TAGLN: variants seen among roughly 807,000 people sequenced by gnomAD.
TAGLN encodes the protein 22 kDa actin-binding protein.
In TAGLN, 16 loss-of-function variants were observed where a neutral mutation model predicts 21.9. The ratio of observed to expected loss-of-function variants is 0.73; its 90% confidence interval spans 0.49 to 1.11. TAGLN has a LOEUF of 1.11. Among genes scored for constraint, TAGLN ranks in the 50% least tolerant of loss-of-function variants. TAGLN has a pLI of 0.00. For synonymous variants in TAGLN, 96 were observed against 94.9 expected, an observed-to-expected ratio of 1.01 and a Z score of -0.06; for missense variants, 248 against 263.2, an observed-to-expected ratio of 0.94 and a Z score of 0.40.
chr11:117,200,052 G>A (rs1370618736), intron 1 of TAGLN, among the ~76,000 whole-genome samples: 1 of 151,666 alleles, frequency 6.6e-6, no homozygotes, highest in Non-Finnish European at 1.5e-5. Context: ...CAGAGGGGTG[G>A]GGGGCGGGTA....
Position 117,204,333 on chromosome 11 carries a change from G to A in TAGLN, c.580G>A (p.Gly194Arg), listed in dbSNP as rs772350872. 3.8e-5 allele frequency: 61 copies of A among 1,614,124 alleles called. No homozygotes were observed. Among genetic ancestry groups the A allele is most frequent in the South Asian group, 7.7e-5 (7 of 91,088 alleles). ...GASQAGMTGYGRPRQIIS is the reference protein window; with the variant it reads ...GASQAGMTGYRRPRQIIS ...CTCCCAGGCCGGCATGACAGGCTAC[G>A]GACGACCTCGGCAGATCATCAGTTA... The change falls in exon 5 of 5, where the codon GGA (glycine) becomes AGA (arginine). Residue 194 changes from glycine to arginine, a missense_variant. Gly to Arg is a moderately radical substitution (Grantham distance 125). Coordinates refer to ENST00000392951, the MANE Select transcript of TAGLN (RefSeq NM_003186.5).
In TAGLN at chr11:117,202,995, G is replaced by C; in HGVS notation, c.-12-7G>C. ...GCCCCTCCCTCCTCCACCCTGGCCT[G>C]CTTTAGCTTTCCCCAGACATGGCCA... is the stretch of plus-strand genomic sequence containing the variant. On this transcript the variant is annotated splice_polypyrimidine_tract_variant and splice_region_variant and intron_variant, in intron 1 of 4. Coordinates refer to ENST00000392951, the MANE Select transcript of TAGLN (RefSeq NM_003186.5). 6.5e-7 allele frequency: 1 copy of C among 1,543,192 alleles called. No homozygotes were observed.
Position 117,203,564 on chromosome 11 carries a change from C to A in TAGLN, c.358+80C>A. The stretch of plus-strand genomic sequence containing the variant: ...AGGGAGAGGGAATGACCAGAATATG[C>A]CACAACTAGGGGTGTGCTTGCCCGC... On this transcript the variant is annotated intron_variant, in intron 3 of 4. Transcript: ENST00000392951. The surrounding 1 kb of genome is among the most constrained non-coding windows in gnomAD (Gnocchi z 4.4). 1 of 1,522,464 alleles carries A rather than the reference C, an allele frequency of 6.6e-7. No individual in the cohort carries two copies. The highest frequency in any genetic ancestry group is 9.0e-7 in the Non-Finnish European group (1 of 1,112,376). The allele number at this position is 1,522,464 out of a possible 1,614,324, so 94.3% of individuals were successfully genotyped here.
Position 117,203,582 on chromosome 11 carries a change from T to G in TAGLN, c.358+98T>G. The G allele has an allele frequency of 1.4e-6, 2 of 1,424,306 alleles. No individual in the cohort carries two copies. Among genetic ancestry groups the G allele is most frequent in the Non-Finnish European group, 9.7e-7 (1 of 1,034,242 alleles). 88.2% of individuals were successfully genotyped at this position (1,424,306 alleles called of 1,614,324 possible). ...GAATATGCCACAACTAGGGGTGTGC[T>G]TGCCCGCACACAGCAGGGATGGGAT... is the stretch of plus-strand genomic sequence containing the variant. On this transcript the variant is annotated intron_variant, in intron 3 of 4. Coordinates refer to ENST00000392951, the MANE Select transcript of TAGLN (RefSeq NM_003186.5). The surrounding 1 kb of genome is among the most constrained non-coding windows in gnomAD (Gnocchi z 4.4).
Position 117,206,221 on chromosome 11 carries a change from T to G in TAGLN, c.*1862T>G, listed in dbSNP as rs764472013. 109 of 1,614,056 alleles carry G rather than the reference T, an allele frequency of 6.8e-5. No individual in the cohort carries two copies. The highest frequency in any genetic ancestry group is 8.7e-5 in the Non-Finnish European group (103 of 1,180,030). On this transcript the variant is annotated 3_prime_UTR_variant, in exon 5 of 5. Transcript: ENST00000392951. ...AGCTCTGTCCCTTCCTCCTTGGCTT[T>G]CCGGCTCCGATGGGGCCAGTGGCAG...
chr11:117,204,725 CT>C lies in TAGLN; in HGVS notation c.*367del. On this transcript the variant is annotated 3_prime_UTR_variant, in exon 5 of 5. Transcript: ENST00000392951. ...AAGAAGAACCAGCCCAGCCTGCCCCCTATCTTGTCCTGGAATATTTTTGGGG... is the reference window on the plus strand; with the variant it reads ...AAGAAGAACCAGCCCAGCCTGCCCCCATCTTGTCCTGGAATATTTTTGGGG... The C allele has an allele frequency of 3.1e-6, 1 of 318,712 alleles. No individual in the cohort carries two copies. Among genetic ancestry groups the C allele is most frequent in the Non-Finnish European group, 6.0e-6 (1 of 166,996 alleles). The allele number at this position is 318,712 out of a possible 1,614,324, so 19.7% of individuals were successfully genotyped here.
chr11:117,204,458 C>T lies in TAGLN; in HGVS notation c.*99C>T. 2 of 1,569,032 alleles carry T rather than the reference C, an allele frequency of 1.3e-6. No homozygotes were observed. The highest frequency in any genetic ancestry group is 1.1e-5 in the South Asian group (1 of 87,772). Reference sequence around the variant, plus strand: ...ACCCACACCCGTGTGGTACCTTCAGCCCTGGCCAAGCTTTGAGGCTCTGTC... The same window carrying T: ...ACCCACACCCGTGTGGTACCTTCAGTCCTGGCCAAGCTTTGAGGCTCTGTC... On this transcript the variant is annotated 3_prime_UTR_variant, in exon 5 of 5. Coordinates refer to ENST00000392951, the MANE Select transcript of TAGLN (RefSeq NM_003186.5).
chr11:117,204,038 C>T (rs2031222271), intron 4 of TAGLN, 154 bp downstream of exon 4: 2 of 1,076,852 alleles, frequency 1.9e-6, no homozygotes, highest in South Asian at 1.6e-5. Flanking sequence ...ACTCCTTGAC[C>T]CCTCCCTTTC....
chr11:117,203,836 T>C lies in TAGLN; in HGVS notation c.413T>C (p.Val138Ala), dbSNP rs2031211751. 1 of 1,614,032 alleles carries C rather than the reference T, an allele frequency of 6.2e-7. No individual in the cohort carries two copies. The highest frequency in any genetic ancestry group is 1.7e-4 in the Middle Eastern group (1 of 6,058). Residue 138 changes from valine (V) to alanine (A), a missense_variant, in exon 4 of 5, where the codon GTG becomes GCG. By Grantham distance (64) the Val-to-Ala change is moderately conservative. Transcript: ENST00000392951. This position sits in a 1 kb window ranked among gnomAD's most constrained non-coding sequence, Gnocchi z 4.4. ...CTGATGGCTTTGGGCAGCTTGGCAG[T>C]GACCAAGAATGATGGGCACTACCGT... ...RTLMALGSLA[V>A]TKNDGHYRGD...
At chr11:117,202,579 C>T (rs1430700853) in intron 1 of TAGLN, 1 of 153,066 alleles carries the variant, frequency 6.5e-6, no homozygotes. Context: ...ATGTTCTAGA[C>T]CAAGGGTTGT....
Position 117,205,105 on chromosome 11 carries a change from G to A in TAGLN, c.*746G>A. On this transcript the variant is annotated 3_prime_UTR_variant, in exon 5 of 5. Coordinates refer to ENST00000392951, the MANE Select transcript of TAGLN (RefSeq NM_003186.5). Reference sequence around the variant, plus strand: ...AAGGTTTTTATTTTGGAAAAGCTGTGCAGAAAAAAATTCAAGAAAATGTTG... The same window carrying A: ...AAGGTTTTTATTTTGGAAAAGCTGTACAGAAAAAAATTCAAGAAAATGTTG... The A allele has an allele frequency of 4.4e-6, 1 of 228,466 alleles. No individual in the cohort carries two copies. Among genetic ancestry groups the A allele is most frequent in the Non-Finnish European group, 8.7e-6 (1 of 114,806 alleles). 14.2% of individuals were successfully genotyped at this position (228,466 alleles called of 1,614,324 possible). A position where few individuals can be genotyped will look rare whatever the true frequency, so the allele number is the denominator to read the frequency against.
rs1379424670 is a variant in TAGLN, at chr11:117,204,583, C to G, written c.*224C>G. The G allele has an allele frequency of 5.9e-6, 4 of 676,192 alleles. No individual in the cohort carries two copies. The highest frequency in any genetic ancestry group is 1.6e-5 in the South Asian group (1 of 61,972). 41.9% of individuals were successfully genotyped at this position (676,192 alleles called of 1,614,324 possible). Reference sequence around the variant, plus strand: ...CATCACTGCCTTGGCCCCTCCCTCCCGGCTGCCCCCATCACCTCTACTGTC... The same window carrying G: ...CATCACTGCCTTGGCCCCTCCCTCCGGGCTGCCCCCATCACCTCTACTGTC... On this transcript the variant is annotated 3_prime_UTR_variant, in exon 5 of 5. Coordinates refer to ENST00000392951, the MANE Select transcript of TAGLN (RefSeq NM_003186.5).
rs148634347 is a variant in TAGLN at position 117,206,127 on chromosome 11, G to T, written c.*1768G>T. ...GTCTGGGGCAAGGAGGTCAGAGGTG[G>T]TGGGAGGGCCCCTGCTCTCTGTTTC... On this transcript the variant is annotated 3_prime_UTR_variant, in exon 5 of 5. Transcript: ENST00000392951. The T allele has an allele frequency of 4.2e-4, 665 of 1,602,252 alleles. 17 individuals carry two copies. In the East Asian group the frequency reaches 0.01, roughly 25 times the overall value.
At position 117,203,359 on chromosome 11, in the gene TAGLN, A is replaced by T. The variant is rs1296894886; in HGVS notation, c.233A>T (p.Lys78Met). The change falls in exon 3 of 5, where the codon AAG (lysine) becomes ATG (methionine). Residue 78 changes from lysine (K) to methionine (M), a missense_variant. Physicochemically the swap from Lys to Met is moderately conservative, Grantham distance 95. Coordinates refer to ENST00000392951, the MANE Select transcript of TAGLN (RefSeq NM_003186.5). This position sits in a 1 kb window ranked among gnomAD's most constrained non-coding sequence, Gnocchi z 4.4. ...SLYPDGSKPV[K>M]VPENPPSMVF... Reference sequence around the variant, plus strand: ...TACCCTGATGGCTCCAAGCCGGTGAAGGTGCCCGAGAACCCACCCTCCATG... The same window carrying T: ...TACCCTGATGGCTCCAAGCCGGTGATGGTGCCCGAGAACCCACCCTCCATG... 1 of 1,614,158 alleles carries T rather than the reference A, an allele frequency of 6.2e-7. No homozygotes were observed. The highest frequency in any genetic ancestry group is 2.2e-5 in the East Asian group (1 of 44,876).
chr11:117,203,182 A>G lies in TAGLN; in HGVS notation c.169A>G (p.Lys57Glu). 1.3e-6 allele frequency: 2 copies of G among 1,589,602 alleles called. No individual in the cohort carries two copies. The highest frequency in any genetic ancestry group is 1.7e-6 in the Non-Finnish European group (2 of 1,164,980). ...GCGCTTGGGCTTCCAGGTCTGGCTG[A>G]AGAATGGCGTGGTGAGTGGCACCCT... ...RGRLGFQVWLKNGVILSKLVN... is the reference protein window; with the variant it reads ...RGRLGFQVWLENGVILSKLVN... The change falls in exon 2 of 5, where the codon AAG becomes GAG. Residue 57 changes from lysine (K) to glutamate (E), a missense_variant. Lys to Glu is a moderately conservative substitution (Grantham distance 56). Coordinates refer to ENST00000392951, the MANE Select transcript of TAGLN (RefSeq NM_003186.5). The surrounding 1 kb of genome is among the most constrained non-coding windows in gnomAD (Gnocchi z 4.4).
In TAGLN at chr11:117,204,065, G is replaced by A. The variant is rs963960066; in HGVS notation, c.462-150G>A. On this transcript the variant is annotated intron_variant, in intron 4 of 4. Transcript: ENST00000392951. ...CTCCCTTTCCACCCTCCTGCGCTCA[G>A]TCTCCCTAGCCTATGAGGCAAGCTA... The A allele has an allele frequency of 3.2e-6, 4 of 1,252,930 alleles. No homozygotes were observed. The South Asian group carries it at 5.8e-5, about 18-fold the overall frequency. The allele number at this position is 1,252,930 out of a possible 1,614,324, so 77.6% of individuals were successfully genotyped here.
chr11:117,206,254 T>G lies in TAGLN; in HGVS notation c.*1895T>G. ...CGATGGGGCCAGTGGCAGGGTCCAC[T>G]CCTACAAACTTGATTGGAAGCCACA... On this transcript the variant is annotated 3_prime_UTR_variant, in exon 5 of 5. Coordinates refer to ENST00000392951, the MANE Select transcript of TAGLN (RefSeq NM_003186.5). The G allele has an allele frequency of 8.7e-6, 14 of 1,614,162 alleles. No individual in the cohort carries two copies. The highest frequency in any genetic ancestry group is 1.1e-5 in the South Asian group (1 of 91,086).
Position 117,204,550 on chromosome 11 carries a change from C to T in TAGLN, c.*191C>T. The T allele has an allele frequency of 4.7e-6, 4 of 846,880 alleles. No individual in the cohort carries two copies. The highest frequency in any genetic ancestry group is 1.4e-5 in the South Asian group (1 of 69,316). 52.5% of individuals were successfully genotyped at this position (846,880 alleles called of 1,614,324 possible). A position where few individuals can be genotyped will look rare whatever the true frequency, so the allele number is the denominator to read the frequency against. On this transcript the variant is annotated 3_prime_UTR_variant, in exon 5 of 5. Transcript: ENST00000392951. The stretch of plus-strand genomic sequence containing the variant: ...CCCCCAGCCTCAGCCCAACTTCTTA[C>T]CCGAAAGCATCACTGCCTTGGCCCC...
chr11:117,203,237 C>A lies in TAGLN; in HGVS notation c.180+44C>A. ...TAGGGCGCTGGGGGGCTGGGGTGTG[C>A]CACCCTGTGAGTCCTGGGCCAATCC... On this transcript the variant is annotated intron_variant, in intron 2 of 4. Transcript: ENST00000392951. This position sits in a 1 kb window ranked among gnomAD's most constrained non-coding sequence, Gnocchi z 4.4. The A allele has an allele frequency of 6.3e-7, 1 of 1,595,924 alleles. No homozygotes were observed.
Sources: gnomAD v4.1 joint callset for allele counts (sites outside exome capture counted in the v4.1 genomes callset) on GRCh38, gnomAD v4.1.1 for gene constraint, Gnocchi (gnomAD v3.1) non-coding constraint, MANE v1.5 for transcripts, NCBI Gene and HGNC (gene_info 2026-07-23, HGNC 2026-07-21) for gene names.